The following WSCD1 variants were observed in gnomAD, a reference collection of about 807,000 sequenced individuals.
The protein encoded by WSCD1 is WSC domain sialate O sulfotransferase 1.
A neutral mutation model predicts 60.4 loss-of-function variants in WSCD1; 41 were observed. The ratio of observed to expected loss-of-function variants is 0.68; its 90% CI spans 0.53 to 0.88. The LOEUF (loss-of-function observed/expected upper bound fraction) is 0.88, where lower values mean the gene tolerates loss of function less well. WSCD1 is among the 40% of genes least tolerant of loss of function. The pLI, the probability that WSCD1 is intolerant of heterozygous loss-of-function variation, is 0.00. For synonymous variants in WSCD1, 361 were observed against 332.5 expected (o/e 1.09, Z -0.93); for missense variants, 784 against 796.2 (o/e 0.98, Z 0.18).
chr17:6,099,049 G>A (rs1197489073), intron 5 of WSCD1, among the ~76,000 whole-genome samples: 1 of 129,290 alleles, frequency 7.7e-6, no homozygotes, highest in Non-Finnish European at 1.7e-5. Flanking sequence ...AGCCCAGGTG[G>A]CCCAGCGTGC....
In WSCD1 at chr17:6,120,521, C is replaced by G. The variant is rs759494597; in HGVS notation, c.1588C>G (p.Arg530Gly). ...GAACAACAAGGAGGGCAGCTTCCGG[C>G]GGCGCGGCCGGCGCTCCCACGACCC... ...VENNKEGSFRRRGRRSHDPEP... is the reference protein window; with the variant it reads ...VENNKEGSFRGRGRRSHDPEP... The change falls in exon 9 of 9, where the codon CGG (arginine) becomes GGG (glycine). Residue 530 changes from arginine to glycine, a missense_variant. Transcript: ENST00000317744. 1 of 1,613,564 alleles carries G rather than the reference C, an allele frequency of 6.2e-7. No homozygotes were observed. Among genetic ancestry groups the G allele is most frequent in the Admixed American group, 1.7e-5 (1 of 60,012 alleles).
chr17:6,072,647 T>C (rs1171153932), intron 1 of WSCD1, among the ~76,000 whole-genome samples: 3 of 152,144 alleles, frequency 2.0e-5, no homozygotes, highest in Non-Finnish European at 4.4e-5. Context: ...TCATATACAC[T>C]AGCAGGGCCA....
Position 6,080,574 on chromosome 17 carries a change from C to A in WSCD1, c.-85C>A. On this transcript the variant is annotated 5_prime_UTR_variant, in exon 2 of 9. Transcript: ENST00000317744. The surrounding 1 kb of genome is among the most constrained non-coding windows in gnomAD (Gnocchi z 6.6). ...GCCAGGAGCCAGGATGCAAGGATGACGCCTCCGGAGGCCCTGGCCTCACTC... is the reference window on the plus strand; with the variant it reads ...GCCAGGAGCCAGGATGCAAGGATGAAGCCTCCGGAGGCCCTGGCCTCACTC... 1 of 1,437,502 alleles carries A rather than the reference C, an allele frequency of 7.0e-7. No individual in the cohort carries two copies. The highest frequency in any genetic ancestry group is 9.6e-7 in the Non-Finnish European group (1 of 1,045,384). 89.0% of individuals were successfully genotyped at this position (1,437,502 alleles called of 1,614,324 possible). A position where few individuals can be genotyped will look rare whatever the true frequency, so the allele number is the denominator to read the frequency against.
Position 6,080,946 on chromosome 17 carries a change from G to A in WSCD1, c.288G>A (p.Arg96=), listed in dbSNP as rs1490068360. Residue 96 remains arginine (R), a synonymous_variant, in exon 2 of 9, where the codon CGG becomes CGA. Transcript: ENST00000317744. The surrounding 1 kb of genome is among the most constrained non-coding windows in gnomAD (Gnocchi z 6.6). ...TGCAGAGCCCCCTGACCCGGCCCCGGCCCGGCCCCCGCTGGCTCCGGAGCC... is the reference window on the plus strand; with the variant it reads ...TGCAGAGCCCCCTGACCCGGCCCCGACCCGGCCCCCGCTGGCTCCGGAGCC... ...DMLQSPLTRP[R]PGPRWLRSRN... 5.7e-6 allele frequency: 9 copies of A among 1,566,324 alleles called. No individual in the cohort carries two copies. Among genetic ancestry groups the A allele is most frequent in the Admixed American group, 5.6e-5 (3 of 53,334 alleles).
At chr17:6,120,224 T>C (rs1597373037) in intron 8 of WSCD1, 85 bp from the exon 9 acceptor site, 1 of 1,443,272 alleles carries the variant, frequency 6.9e-7, no homozygotes, top group Non-Finnish European at 9.5e-7. Context: ...CCCTGCCCAC[T>C]TCCCTCTCCC....
At chr17:6,107,997 C>T (rs532837159) in intron 5 of WSCD1, among the ~76,000 whole-genome samples, 110 of 152,198 alleles carry the variant, frequency 7.2e-4, no homozygotes, top group African/African-American at 2.3e-3. Flanking sequence ...TGAAGAAGGA[C>T]GAGGAGAGTC....
chr17:6,081,837 G>T (rs1909298440), intron 2 of WSCD1: 1 of 152,206 alleles, frequency 6.6e-6, no homozygotes, highest in South Asian at 2.1e-4. Flanking sequence ...GTCACAAAGT[G>T]GGGTCCCTGA....
rs1909146684 is a variant in WSCD1 at position 6,080,342 on chromosome 17, C to T, written c.-288-29C>T. 1 of 395,404 alleles carries T rather than the reference C, an allele frequency of 2.5e-6. No homozygotes were observed. 24.5% of individuals were successfully genotyped at this position (395,404 alleles called of 1,614,324 possible). ...TGCCAGGTAGTGGACCCGCCTATTA[C>T]ATCTCGGTGCTCTTTCTCCACCTTC... On this transcript the variant is annotated intron_variant, in intron 1 of 8. Transcript: ENST00000317744. This position sits in a 1 kb window ranked among gnomAD's most constrained non-coding sequence, Gnocchi z 6.6.
chr17:6,082,382 G>A (rs1396657158), intron 2 of WSCD1, among the ~76,000 whole-genome samples: 1 of 152,186 alleles, frequency 6.6e-6, no homozygotes, highest in Non-Finnish European at 1.5e-5. Flanking sequence ...TCCGGCTGGA[G>A]GCTCAGTACC....
At chr17:6,117,088 A>G (rs938871321) in intron 7 of WSCD1, among the ~76,000 whole-genome samples, 1 of 152,206 alleles carries the variant, frequency 6.6e-6, no homozygotes, top group Non-Finnish European at 1.5e-5. Flanking sequence ...CTCTGTCCCC[A>G]AAATAAAGTC....
chr17:6,087,608 T>C (rs1368253687), intron 2 of WSCD1, among the ~76,000 whole-genome samples: 3 of 152,000 alleles, frequency 2.0e-5, no homozygotes, highest in Non-Finnish European at 4.4e-5. Flanking sequence ...TTTGCCAAGG[T>C]AGAGAGGCCT....
chr17:6,094,312 T>C (rs1910247996), intron 4 of WSCD1, among the ~76,000 whole-genome samples: 1 of 151,856 alleles, frequency 6.6e-6, no homozygotes, highest in East Asian at 1.9e-4. Flanking sequence ...AGAAATTGAG[T>C]GGGAGTTCAA....
Position 6,095,406 on chromosome 17 carries a change from G to A in WSCD1, c.849+183G>A, listed in dbSNP as rs183205789. ...AGAGGGAGCCGGCAGGGAGCCCTTC[G>A]CCTCTGTCCACCATGTGAGGCTGGG... On this transcript the variant is annotated intron_variant, in intron 5 of 8. Transcript: ENST00000317744. 2.8e-3 allele frequency among the ~76,000 whole-genome samples: 425 copies of A among 152,304 alleles called. 4 individuals are homozygous for A. Among genetic ancestry groups the A allele is most frequent in the Non-Finnish European group, 2.7e-3 (186 of 68,028 alleles).
chr17:6,074,203 T>C (rs1177550297), intron 1 of WSCD1, among the ~76,000 whole-genome samples: 1 of 152,226 alleles, frequency 6.6e-6, no homozygotes, highest in Non-Finnish European at 1.5e-5. Flanking sequence ...TTTTGAATCT[T>C]TTTTCAAGCT....
chr17:6,091,407 G>A (rs1430328225), intron 4 of WSCD1, among the ~76,000 whole-genome samples: 1 of 152,152 alleles, frequency 6.6e-6, no homozygotes, highest in East Asian at 1.9e-4. Flanking sequence ...TGGCCGTGGG[G>A]CTCAGCGGAG....
Position 6,076,798 on chromosome 17 carries a change from G to A in WSCD1, c.-288-3573G>A, listed in dbSNP as rs543553896. 4.6e-5 allele frequency among the ~76,000 whole-genome samples: 7 copies of A among 152,266 alleles called. No individual in the cohort carries two copies. The East Asian group carries it at 1.2e-3, about 25-fold the overall frequency. On this transcript the variant is annotated intron_variant, in intron 1 of 8. Coordinates refer to ENST00000317744, the MANE Select transcript of WSCD1 (RefSeq NM_015253.2). ...CTGCCCCCGACCCCAGGTGTTGGCC[G>A]GTTGTGCTGTCTGACTTACCTCGTG...
intron 4 of WSCD1, among the ~76,000 whole-genome samples, chr17:6,092,181 G>A (rs1910101778): frequency 6.7e-6 from 1 of 149,456 alleles, no homozygotes; most frequent in African/African-American, 2.5e-5. Flanking sequence ...AAAAGGTATT[G>A]GATCAAAAGC....
intron 2 of WSCD1, among the ~76,000 whole-genome samples, chr17:6,082,608 G>A (rs974867286): frequency 3.3e-5 from 5 of 152,194 alleles, no homozygotes; most frequent in African/African-American, 1.2e-4. Flanking sequence ...AAGCGTGGAA[G>A]TTGTTGTTGG....
In WSCD1 at chr17:6,070,488, G is replaced by C. The variant is rs1424755309; in HGVS notation, c.-453G>C. ...AGCAGCCCCGGGGAGCCAGGCGGCG[G>C]CGCCCTGTGCCCGGGCGCGTGGGTC... On this transcript the variant is annotated 5_prime_UTR_variant, in exon 1 of 9. Coordinates refer to ENST00000317744, the MANE Select transcript of WSCD1 (RefSeq NM_015253.2). The C allele has an allele frequency of 6.8e-6, 1 of 147,112 alleles. No individual in the cohort carries two copies. Among genetic ancestry groups the C allele is most frequent in the African/African-American group, 2.4e-5 (1 of 40,922 alleles). The allele number at this position is 147,112 out of a possible 1,614,324, so 9.1% of individuals were successfully genotyped here.
Sources: gnomAD v4.1 joint callset for allele counts (sites outside exome capture counted in the v4.1 genomes callset) on GRCh38, gnomAD v4.1.1 for gene constraint, Gnocchi (gnomAD v3.1) non-coding constraint, MANE v1.5 for transcripts, NCBI Gene and HGNC (gene_info 2026-07-23, HGNC 2026-07-21) for gene names.